ADAMTS6: variants seen among roughly 807,000 people sequenced by gnomAD.
ADAMTS6 encodes the protein ADAM metallopeptidase with thrombospondin type 1 motif 6, also known as A disintegrin and metalloproteinase with thrombospondin motifs 6.
ADAMTS6 carries 23 observed loss-of-function variants against 144.3 expected under a neutral mutation model. The ratio of observed to expected loss-of-function variants is 0.16; its 90% CI spans 0.11 to 0.23. The LOEUF (loss-of-function observed/expected upper bound fraction) is 0.23. Ranked by LOEUF, ADAMTS6 falls within the 10% of genes least tolerant of loss-of-function variation. ADAMTS6 has a pLI of 1.00. For synonymous variants in ADAMTS6, 444 were observed against 457.5 expected, an observed-to-expected ratio of 0.97 and a Z score of 0.38; for missense variants, 999 against 1,379.6, an observed-to-expected ratio of 0.72 and a Z score of 4.37.
chr5:65,268,681 T>C (rs1457797082), intron 12 of ADAMTS6, among the ~76,000 whole-genome samples: 2 of 152,216 alleles, frequency 1.3e-5, no homozygotes, highest in Non-Finnish European at 2.9e-5. Flanking sequence ...GTAATAGCGA[T>C]GTCAGACCCC....
chr5:65,271,468 T>C (rs1259546374), intron 12 of ADAMTS6, among the ~76,000 whole-genome samples: 1 of 152,098 alleles, frequency 6.6e-6, no homozygotes, highest in Non-Finnish European at 1.5e-5. Context: ...TAAAATTGTC[T>C]GAGAGTATTT....
At chr5:65,317,934 G>T (rs1425524187) in intron 9 of ADAMTS6, among the ~76,000 whole-genome samples, 1 of 151,908 alleles carries the variant, frequency 6.6e-6, no homozygotes, top group South Asian at 2.1e-4. Flanking sequence ...AATTAGCCGG[G>T]TGTGGTGGTG....
intron 9 of ADAMTS6, among the ~76,000 whole-genome samples, chr5:65,320,289 C>T (rs115205787): frequency 3.3e-5 from 5 of 152,118 alleles, no homozygotes; most frequent in South Asian, 4.1e-4. Context: ...ACAATAACAG[C>T]GTATCACAAA....
rs180765629 is a variant in ADAMTS6 at position 65,338,376 on chromosome 5, C to T, written c.1074-4291G>A. ...GTTGGACAATTGAGCAAGATCAAAACTAGAGAATTTGGTTGAGACTGTAAC... is the reference window on the plus strand; with the variant it reads ...GTTGGACAATTGAGCAAGATCAAAATTAGAGAATTTGGTTGAGACTGTAAC... On this transcript the variant is annotated intron_variant, in intron 7 of 24. Transcript: ENST00000381055. Among the ~76,000 whole-genome samples, 71 of 152,282 alleles carry T rather than the reference C, an allele frequency of 4.7e-4. 1 individual carries two copies. The East Asian group carries it at 0.013, about 28-fold the overall frequency.
chr5:65,184,767 G>C lies in ADAMTS6; in HGVS notation c.2910+3249C>G, dbSNP rs150190289. Among the ~76,000 whole-genome samples the C allele has an allele frequency of 2.6e-3, 403 of 152,178 alleles. 3 individuals are homozygous for C. The highest frequency in any genetic ancestry group is 9.4e-3 in the African/African-American group (390 of 41,514). ...TGTGGCTTCATTAGTTCCAGAAAAG[G>C]CTGCTGATGAGCCATTTTCCGCCAA... is the stretch of plus-strand genomic sequence containing the variant. On this transcript the variant is annotated intron_variant, in intron 22 of 24. Transcript: ENST00000381055.
At chr5:65,361,386 T>C (rs780857142) in intron 7 of ADAMTS6, among the ~76,000 whole-genome samples, 3 of 152,186 alleles carry the variant, frequency 2.0e-5, no homozygotes, top group Non-Finnish European at 4.4e-5. Flanking sequence ...ATGTTTTAAA[T>C]ATATACATAA....
chr5:65,322,455 A>C (rs1745707857), intron 9 of ADAMTS6, among the ~76,000 whole-genome samples: 3 of 152,008 alleles, frequency 2.0e-5, no homozygotes, highest in South Asian at 4.1e-4. Context: ...CTGTAAATTT[A>C]CATGCAGCAT....
intron 24 of ADAMTS6, among the ~76,000 whole-genome samples, chr5:65,169,738 G>A (rs1753477999): frequency 6.6e-6 from 1 of 151,754 alleles, no homozygotes; most frequent in Non-Finnish European, 1.5e-5. Context: ...CCTTTGTAGG[G>A]ACATGGATGA....
At chr5:65,404,480 C>T (rs933084511) in intron 7 of ADAMTS6, among the ~76,000 whole-genome samples, 4 of 152,064 alleles carry the variant, frequency 2.6e-5, no homozygotes, top group African/African-American at 9.7e-5. Context: ...TGAACTCATC[C>T]TTTTTTATGG....
intron 3 of ADAMTS6, among the ~76,000 whole-genome samples, chr5:65,462,198 A>G (rs574239922): frequency 3.7e-4 from 56 of 152,340 alleles, no homozygotes; most frequent in African/African-American, 1.3e-3. Context: ...ATGTGCTAAA[A>G]AACTGAACAC....
chr5:65,175,260 A>AGGAG (rs1422223345), intron 22 of ADAMTS6, among the ~76,000 whole-genome samples: 1 of 147,408 alleles, frequency 6.8e-6, no homozygotes, highest in East Asian at 1.9e-4. Context: ...GAGGGAGTCA[A>AGGAG]GGAGAGAGAG....
chr5:65,432,965 A>T (rs1475177718), intron 7 of ADAMTS6, among the ~76,000 whole-genome samples: 2 of 151,852 alleles, frequency 1.3e-5, no homozygotes, highest in African/African-American at 4.8e-5. Context: ...CCAGTCATAT[A>T]TCCTATAATT....
chr5:65,465,952 GACTCCCAAATTTATAACTTTCTAATTC>G (rs1759963799), intron 3 of ADAMTS6, among the ~76,000 whole-genome samples: 1 of 152,044 alleles, frequency 6.6e-6, no homozygotes, highest in Non-Finnish European at 1.5e-5. Flanking sequence ...ATATATTGAT[GACTCCCAAATTTATAACTTTCTAATTC>G]ATATCTCTCT....
At chr5:65,379,118 T>C (rs1166919467) in intron 7 of ADAMTS6, among the ~76,000 whole-genome samples, 1 of 152,200 alleles carries the variant, frequency 6.6e-6, no homozygotes, top group African/African-American at 2.4e-5. Flanking sequence ...CTTTAAAAAA[T>C]TGTTTTAATC....
At chr5:65,271,324 A>G (rs942505880) in intron 12 of ADAMTS6, among the ~76,000 whole-genome samples, 1 of 148,036 alleles carries the variant, frequency 6.8e-6, no homozygotes, top group African/African-American at 2.5e-5. Flanking sequence ...GGTTGCAGTG[A>G]GCCGAGATAG....
chr5:65,194,974 T>A (rs1014010302), intron 21 of ADAMTS6, among the ~76,000 whole-genome samples: 1 of 152,208 alleles, frequency 6.6e-6, no homozygotes, highest in South Asian at 2.1e-4. Flanking sequence ...TTAAGGACAC[T>A]GGACATTTAA....
In ADAMTS6 at chr5:65,339,623, G is replaced by A. The variant is rs115299733; in HGVS notation, c.1074-5538C>T. Among the ~76,000 whole-genome samples the A allele has an allele frequency of 2.3e-3, 346 of 151,760 alleles. 1 individual carries two copies. Among genetic ancestry groups the A allele is most frequent in the Non-Finnish European group, 3.9e-3 (263 of 67,904 alleles). ...ATTTAATGAAATCAGAACAATTAAC[G>A]ATTTGAATGAGAAATTCAATAGAGA... is the stretch of plus-strand genomic sequence containing the variant. On this transcript the variant is annotated intron_variant, in intron 7 of 24. Transcript: ENST00000381055.
intron 7 of ADAMTS6, among the ~76,000 whole-genome samples, chr5:65,338,615 C>A (rs1747531068): frequency 1.3e-5 from 2 of 151,980 alleles, no homozygotes; most frequent in Admixed American, 6.6e-5. Context: ...GAAGCAGCCC[C>A]ATGGGCTGCC....
At chr5:65,292,922 C>A (rs1300247012) in intron 10 of ADAMTS6, among the ~76,000 whole-genome samples, 2 of 151,998 alleles carry the variant, frequency 1.3e-5, no homozygotes, top group Admixed American at 6.6e-5. Flanking sequence ...TTTTTTATTT[C>A]CTTTTTATTA....
Sources: gnomAD v4.1 joint callset for allele counts (sites outside exome capture counted in the v4.1 genomes callset) on GRCh38, gnomAD v4.1.1 for gene constraint, MANE v1.5 for transcripts, NCBI Gene and HGNC (gene_info 2026-07-23, HGNC 2026-07-21) for gene names.